C12orf42: variants seen among roughly 807,000 people sequenced by gnomAD.
C12orf42 encodes the protein uncharacterized protein C12orf42.
Under a neutral mutation model 21.6 loss-of-function variants are expected in C12orf42, and 25 were observed. The ratio of observed to expected loss-of-function variants is 1.16; its 90% CI spans 0.84 to 1.62. The LOEUF is 1.62. C12orf42 is among the 40% of genes most tolerant of loss of function. The pLI is 0.00. For missense variants in C12orf42, 483 were observed against 459.3 expected, an observed-to-expected ratio of 1.05 and a Z score of -0.47; for synonymous variants, 174 against 175.0, an observed-to-expected ratio of 0.99 and a Z score of 0.05.
the C12orf42 span, among the ~76,000 whole-genome samples, chr12:103,048,769 C>G: frequency 6.6e-6 from 1 of 152,132 alleles, no homozygotes; most frequent in East Asian, 1.9e-4. Flanking sequence ...TTGTAGCCTC[C>G]CCACTTCTTT....
the C12orf42 span, chr12:103,178,771 T>C: frequency 3.3e-5 from 5 of 152,188 alleles, no homozygotes; most frequent in African/African-American, 1.2e-4. Flanking sequence ...TATTTTCAAG[T>C]ATGTGTTTAA....
chr12:103,226,516 T>C, the C12orf42 span, among the ~76,000 whole-genome samples: 4 of 152,308 alleles, frequency 2.6e-5, no homozygotes, highest in Non-Finnish European at 5.9e-5. Flanking sequence ...TAAATGCTTC[T>C]GATTTGGGAT....
At chr12:103,452,698 A>C (rs921157832) in intron 2 of C12orf42, among the ~76,000 whole-genome samples, 1 of 152,044 alleles carries the variant, frequency 6.6e-6, no homozygotes, top group Non-Finnish European at 1.5e-5. Context: ...ATGCAGCCAT[A>C]AAAAAGGATG....
At chr12:103,146,555 G>GAAATA in the C12orf42 span, among the ~76,000 whole-genome samples, 1 of 87,874 alleles carries the variant, frequency 1.1e-5, no homozygotes, top group South Asian at 4.0e-4. Flanking sequence ...GAGAAATAAA[G>GAAATA]AAAGAAAAGA....
At chr12:103,273,885 T>C (rs1299370273) in intron 5 of C12orf42, 2 of 456,112 alleles carry the variant, frequency 4.4e-6, no homozygotes, top group South Asian at 1.5e-5. Context: ...CTATTTTACC[T>C]AGAAAGCCAA....
intron 4 of C12orf42, among the ~76,000 whole-genome samples, chr12:103,353,718 G>A (rs1445569844): frequency 3.9e-5 from 6 of 152,162 alleles, no homozygotes; most frequent in Non-Finnish European, 8.8e-5. Flanking sequence ...CCCATGAAAA[G>A]TGGTTTTCAC....
the C12orf42 span, among the ~76,000 whole-genome samples, chr12:103,212,932 C>T: frequency 6.4e-3 from 977 of 151,896 alleles, 6 homozygotes; most frequent in African/African-American, 0.022. Context: ...GATACACACA[C>T]GCACTACATA....
chr12:103,127,058 T>G, the C12orf42 span, among the ~76,000 whole-genome samples: 5 of 152,218 alleles, frequency 3.3e-5, no homozygotes, highest in Non-Finnish European at 5.9e-5. Context: ...AAAATATTGC[T>G]AACACCAACT....
intron 4 of C12orf42, among the ~76,000 whole-genome samples, chr12:103,359,768 G>C (rs2043921277): frequency 6.6e-6 from 1 of 151,774 alleles, no homozygotes; most frequent in Non-Finnish European, 1.5e-5. Context: ...TCCTCAAAAG[G>C]CATATTCCAA....
At chr12:103,333,554 AAAG>A (rs960171529) in intron 4 of C12orf42, among the ~76,000 whole-genome samples, 1 of 152,228 alleles carries the variant, frequency 6.6e-6, no homozygotes, top group African/African-American at 2.4e-5. Context: ...AGGAAGAAAC[AAAG>A]AAGAATAAAA....
chr12:103,096,408 A>G, the C12orf42 span, among the ~76,000 whole-genome samples: 1 of 152,242 alleles, frequency 6.6e-6, no homozygotes, highest in African/African-American at 2.4e-5. Flanking sequence ...CAAGTACTTA[A>G]TAAACAGAAC....
At chr12:103,183,012 C>T in the C12orf42 span, among the ~76,000 whole-genome samples, 2 of 152,162 alleles carry the variant, frequency 1.3e-5, no homozygotes, top group Non-Finnish European at 2.9e-5. Context: ...TTATAATAAT[C>T]ACTGTACTCC....
At chr12:103,354,245 T>TC (rs1298971860) in intron 4 of C12orf42, among the ~76,000 whole-genome samples, 3 of 152,134 alleles carry the variant, frequency 2.0e-5, no homozygotes, top group African/African-American at 7.2e-5. Context: ...ACAGAAACCT[T>TC]CCCAAAGCAC....
intron 10 of C12orf42, among the ~76,000 whole-genome samples, chr12:103,256,105 TATATATACACACACACACAC>T (rs1459270796): frequency 6.3e-4 from 24 of 37,846 alleles, no homozygotes; most frequent in East Asian, 1.1e-3. Flanking sequence ...TATATATATA[TATATATACACACACACACAC>T]ACACACACAC....
chr12:103,185,496 A>C, the C12orf42 span, among the ~76,000 whole-genome samples: 1 of 148,368 alleles, frequency 6.7e-6, no homozygotes. Flanking sequence ...TTCCTTCCTT[A>C]TTCCTTCCCT....
intron 4 of C12orf42, among the ~76,000 whole-genome samples, chr12:103,360,244 CTCT>C (rs1264715106): frequency 2.6e-5 from 4 of 151,454 alleles, no homozygotes; most frequent in Non-Finnish European, 5.9e-5. Context: ...CTAGCTATGG[CTCT>C]TCTCCATTCC....
chr12:103,060,603 G>T, the C12orf42 span, among the ~76,000 whole-genome samples: 4 of 152,258 alleles, frequency 2.6e-5, no homozygotes, highest in East Asian at 1.9e-4. Context: ...AACCAAAACA[G>T]CATGGTGCTG....
the C12orf42 span, among the ~76,000 whole-genome samples, chr12:103,197,689 CT>C: frequency 6.6e-6 from 1 of 152,182 alleles, no homozygotes; most frequent in Non-Finnish European, 1.5e-5. Flanking sequence ...ATCTGTCTGG[CT>C]GATGTTCCTT....
chr12:103,207,799 G>A, the C12orf42 span, among the ~76,000 whole-genome samples: 2,906 of 152,226 alleles, frequency 0.019, 35 homozygotes, highest in East Asian at 0.027. Flanking sequence ...TTGAAGATCC[G>A]TTGTTCTCTA....
Sources: allele counts gnomAD v4.1 joint callset (sites outside exome capture counted in the v4.1 genomes callset), GRCh38; gene constraint gnomAD v4.1.1; transcripts MANE v1.5; gene names NCBI Gene and HGNC (gene_info 2026-07-23, HGNC 2026-07-21).